EYA1: variants seen among roughly 807,000 people sequenced by gnomAD.
EYA1 encodes the protein protein phosphatase EYA1.
In EYA1, 16 loss-of-function variants were observed where a neutral mutation model predicts 82.0. That is an observed-to-expected ratio of 0.20 (90% CI 0.13 to 0.30). The LOEUF (loss-of-function observed/expected upper bound fraction) is 0.30. Ranked by LOEUF, EYA1 falls within the 10% of genes least tolerant of loss-of-function variation. EYA1 has a pLI of 1.00. For synonymous variants in EYA1, 261 were observed against 264.4 expected, an observed-to-expected ratio of 0.99 and a Z score of 0.12; for missense variants, 633 against 730.7, an observed-to-expected ratio of 0.87 and a Z score of 1.54.
intron 7 of EYA1, among the ~76,000 whole-genome samples, chr8:71,314,986 C>T (rs1007893030): frequency 7.4e-6 from 1 of 134,372 alleles, no homozygotes; most frequent in Non-Finnish European, 1.6e-5. Context: ...TCATTCATTT[C>T]CCCTTTTTTA....
chr8:71,443,477 C>T (rs943291578), intron 2 of EYA1, among the ~76,000 whole-genome samples: 1 of 152,126 alleles, frequency 6.6e-6, no homozygotes, highest in South Asian at 2.1e-4. Flanking sequence ...GACAGGGTTT[C>T]GCTATGTTGG....
intron 3 of EYA1, among the ~76,000 whole-genome samples, chr8:71,353,158 C>T (rs1021651053): frequency 1.1e-4 from 17 of 152,194 alleles, no homozygotes; most frequent in African/African-American, 2.9e-4. Context: ...AGGTCACCTA[C>T]GGGCCTTCTG....
Position 71,484,682 on chromosome 8 carries a change from C to T in EYA1, c.33+51062G>A, listed in dbSNP as rs140184132. ...AAATTAGATTGCTGGCCATGTACAA[C>T]GGGTTGAGGTGTGCTGGGAAATCCT... On this transcript the variant is annotated intron_variant, in intron 2 of 18. Transcript: ENST00000643681. Among the ~76,000 whole-genome samples the T allele has an allele frequency of 1.1e-3, 168 of 152,336 alleles. 1 individual carries two copies. Among genetic ancestry groups the T allele is most frequent in the East Asian group, 9.5e-3 (49 of 5,184 alleles).
upstream of EYA1, chr8:71,362,155 CTTTTT>C (rs35320129): frequency 9.9e-4 from 814 of 823,688 alleles, 1 homozygote; most frequent in South Asian, 0.025. Flanking sequence ...TCGGGGCTTT[CTTTTT>C]TTTTTTTTTT....
intron 2 of EYA1, among the ~76,000 whole-genome samples, chr8:71,427,090 G>A (rs955496712): frequency 5.9e-5 from 9 of 152,134 alleles, no homozygotes; most frequent in Non-Finnish European, 8.8e-5. Flanking sequence ...ACTGTCTTGC[G>A]GTTTTCCTCT....
chr8:71,382,470 ATTAAAT>A lies in EYA1; in HGVS notation c.34-25965_34-25960del, dbSNP rs553366747. ...GGTAAAGTATGAACATCACAGGCAT[ATTAAAT>A]TTAATTTTATATTCACTTCACATAT... is the stretch of plus-strand genomic sequence containing the variant. On this transcript the variant is annotated intron_variant, in intron 2 of 18. Transcript: ENST00000643681. Among the ~76,000 whole-genome samples the A allele has an allele frequency of 1.5e-3, 223 of 152,252 alleles. 1 individual carries two copies. The highest frequency in any genetic ancestry group is 5.0e-3 in the African/African-American group (208 of 41,582).
Position 71,299,623 on chromosome 8 carries a change from G to T in EYA1, c.639+15C>A. The T allele has an allele frequency of 6.9e-7, 1 of 1,442,482 alleles. No individual in the cohort carries two copies. Among genetic ancestry groups the T allele is most frequent in the South Asian group, 1.1e-5 (1 of 87,570 alleles). 89.4% of individuals were successfully genotyped at this position (1,442,482 alleles called of 1,614,324 possible). ...AAAGATATTTTTCAGAAGTTAAACT[G>T]GCTTTTTAAATTACCTGCTGTGAAC... On this transcript the variant is annotated intron_variant, in intron 8 of 17. Transcript: ENST00000340726.
chr8:71,350,676 A>G, intron 3 of EYA1, among the ~76,000 whole-genome samples: 1 of 152,100 alleles, frequency 6.6e-6, no homozygotes, highest in East Asian at 1.9e-4. Flanking sequence ...TTTGAGTCTA[A>G]GCTTACAATA....
intron 2 of EYA1, among the ~76,000 whole-genome samples, chr8:71,466,281 G>T (rs1808763766): frequency 6.6e-6 from 1 of 152,080 alleles, no homozygotes; most frequent in Non-Finnish European, 1.5e-5. Flanking sequence ...GCATATACGA[G>T]TAAGCACAAA....
chr8:71,506,037 T>C (rs1003004996), intron 2 of EYA1, among the ~76,000 whole-genome samples: 2 of 152,206 alleles, frequency 1.3e-5, no homozygotes, highest in African/African-American at 4.8e-5. Flanking sequence ...CCTTCTGCCA[T>C]GATTGTAAGT....
intron 2 of EYA1, among the ~76,000 whole-genome samples, chr8:71,514,717 C>T (rs1812841517): frequency 6.6e-6 from 1 of 152,082 alleles, no homozygotes; most frequent in Non-Finnish European, 1.5e-5. Flanking sequence ...CAATTACCTC[C>T]CCCTGGGTCC....
chr8:71,440,184 G>C (rs768567741), intron 2 of EYA1, among the ~76,000 whole-genome samples: 2 of 152,160 alleles, frequency 1.3e-5, no homozygotes, highest in African/African-American at 4.8e-5. Flanking sequence ...GCTCTGGCTG[G>C]AGTCAGAAGA....
chr8:71,417,616 T>C (rs1012748337), intron 2 of EYA1, among the ~76,000 whole-genome samples: 7 of 152,096 alleles, frequency 4.6e-5, no homozygotes, highest in Non-Finnish European at 1.0e-4. Context: ...AACACAGAAA[T>C]TTCTGGTTGT....
intron 12 of EYA1, among the ~76,000 whole-genome samples, chr8:71,224,431 AGAGGAAGT>A (rs1399595066): frequency 1.3e-5 from 2 of 152,248 alleles, no homozygotes; most frequent in African/African-American, 4.8e-5. Context: ...TGGCCAAGGC[AGAGGAAGT>A]GATCATTGGG....
At position 71,280,198 on chromosome 8, in the gene EYA1, T is replaced by G. The variant is rs558778548; in HGVS notation, c.827-8301A>C. 5.9e-5 allele frequency among the ~76,000 whole-genome samples: 9 copies of G among 152,274 alleles called. No homozygotes were observed. In the East Asian group the frequency reaches 1.7e-3, roughly 29 times the overall value. On this transcript the variant is annotated intron_variant, in intron 9 of 17. Transcript: ENST00000340726. The stretch of plus-strand genomic sequence containing the variant: ...TCTAGGGGACACAAACTCAACTTAC[T>G]TGAGCAGACAAGCATACCAGTGACA...
At chr8:71,363,252 C>T (rs1195183165), upstream of EYA1, among the ~76,000 whole-genome samples, 1 of 152,010 alleles carries the variant, frequency 6.6e-6, no homozygotes, top group African/African-American at 2.4e-5. Flanking sequence ...AGATCGTCAA[C>T]TAATAAAACA....
intron 2 of EYA1, among the ~76,000 whole-genome samples, chr8:71,384,819 T>G (rs1828889032): frequency 6.6e-6 from 1 of 152,216 alleles, no homozygotes; most frequent in Non-Finnish European, 1.5e-5. Context: ...AAATGCATCT[T>G]ACTCTTGAAT....
At chr8:71,464,127 A>T (rs1808610289) in intron 2 of EYA1, among the ~76,000 whole-genome samples, 1 of 151,876 alleles carries the variant, frequency 6.6e-6, no homozygotes, top group Non-Finnish European at 1.5e-5. Context: ...TCACCCTATT[A>T]CCCTCCTCAG....
chr8:71,479,645 C>G (rs1049360580), intron 2 of EYA1, among the ~76,000 whole-genome samples: 1 of 133,284 alleles, frequency 7.5e-6, no homozygotes, highest in Admixed American at 7.9e-5. Context: ...AAAAAAAAAG[C>G]CTCTCTGGAC....
Sources: gnomAD v4.1 joint callset for allele counts (sites outside exome capture counted in the v4.1 genomes callset) on GRCh38, gnomAD v4.1.1 for gene constraint, MANE v1.5 for transcripts, NCBI Gene and HGNC (gene_info 2026-07-23, HGNC 2026-07-21) for gene names.